Variants in ABCC6 observed in about 807,000 individuals in gnomAD.
ABCC6 encodes the protein ATP-binding cassette sub-family C member 6.
Under a neutral mutation model 169.5 loss-of-function variants are expected in ABCC6, and 126 were observed. That is an observed-to-expected ratio of 0.74 (90% CI 0.64 to 0.86). The LOEUF (loss-of-function observed/expected upper bound fraction) is 0.86, where lower values mean the gene tolerates loss of function less well. ABCC6 is among the 40% of genes least tolerant of loss of function. ABCC6 has a pLI of 0.00. For synonymous variants in ABCC6, 752 were observed against 814.7 expected (o/e 0.92, Z 1.31); for missense variants, 1,733 against 1,927.2 (o/e 0.90, Z 1.89).
In ABCC6 at chr16:16,188,909, G is replaced by A. The variant is rs376767639; in HGVS notation, c.1701C>T (p.Ala567=). Residue 567 remains alanine (A), a synonymous_variant, in exon 13 of 31, where the codon GCC becomes GCT. Coordinates refer to ENST00000205557, the MANE Select transcript of ABCC6 (RefSeq NM_001171.6). Reference sequence around the variant, plus strand: ...TGTTGAGAACTGTGAGAGTCACAAAGGCTTTCTCTGCATTCATAGCATTCT... The same window carrying A: ...TGTTGAGAACTGTGAGAGTCACAAAAGCTTTCTCTGCATTCATAGCATTCT... ...VAENAMNAEK[A]FVTLTVLNIL... is the part of the protein sequence containing the mutation. 6.2e-7 allele frequency: 1 copy of A among 1,614,012 alleles called. No homozygotes were observed. The highest frequency in any genetic ancestry group is 1.7e-5 in the Admixed American group (1 of 60,012).
rs1344571827 is a variant in ABCC6 at position 16,198,081 on chromosome 16, G to A, written c.1278C>T (p.Tyr426=). 6.8e-6 allele frequency: 11 copies of A among 1,613,980 alleles called. No homozygotes were observed. Among genetic ancestry groups the A allele is most frequent in the African/African-American group, 2.7e-5 (2 of 74,934 alleles). The change falls in exon 10 of 31, where the codon TAC becomes TAT. Residue 426 remains tyrosine (Y), a synonymous_variant. Coordinates refer to ENST00000205557, the MANE Select transcript of ABCC6 (RefSeq NM_001171.6). ...DVQRLTESVL[Y]LNGLWLPLVW... Reference sequence around the variant, plus strand: ...CGAGAGGCAGCCACAGCCCGTTGAGGTAGAGGACGCTCTCGGTCAGCCGCT... The same window carrying A: ...CGAGAGGCAGCCACAGCCCGTTGAGATAGAGGACGCTCTCGGTCAGCCGCT...
At chr16:16,154,531 C>A in intron 29 of ABCC6, 97 bp downstream of exon 29, 1 of 1,456,186 alleles carries the variant, frequency 6.9e-7, no homozygotes, top group Non-Finnish European at 9.5e-7. Context: ...GAGTGATAAT[C>A]CTATCGGGGG....
At chr16:16,154,833 C>T in intron 28 of ABCC6, 39 bp from the exon 29 acceptor site, 1 of 1,609,800 alleles carries the variant, frequency 6.2e-7, no homozygotes, top group Non-Finnish European at 8.5e-7. Flanking sequence ...CGGGTCCCAC[C>T]ATGCCTCCCA....
At chr16:16,152,896 GT>G (rs925762873) in intron 29 of ABCC6, among the ~76,000 whole-genome samples, 3 of 126,882 alleles carry the variant, frequency 2.4e-5, no homozygotes, top group Admixed American at 8.0e-5. Context: ...AACACCTTAG[GT>G]TTTTTTTTGT....
chr16:16,187,185 G>A lies in ABCC6; in HGVS notation c.1806C>T (p.Val602=). 6.2e-7 allele frequency: 1 copy of A among 1,613,692 alleles called. No individual in the cohort carries two copies. The change falls in exon 14 of 31, where the codon GTC becomes GTT. Residue 602 remains valine (V), a synonymous_variant. Transcript: ENST00000205557. Reference sequence around the variant, plus strand: ...CAACTTCTTCCAGGCAGAGGAAGGTGACCAGACGGTCAAAGGACACCCGGG... The same window carrying A: ...CAACTTCTTCCAGGCAGAGGAAGGTAACCAGACGGTCAAAGGACACCCGGG... ...VQARVSFDRL[V]TFLCLEEVDP...
At chr16:16,150,834 T>G in intron 29 of ABCC6, 62 bp from the exon 30 acceptor site, 1 of 1,583,508 alleles carries the variant, frequency 6.3e-7, no homozygotes. Context: ...GATGTGTGGG[T>G]GTGCCCAGAA....
In ABCC6 at chr16:16,182,832, G is replaced by A. The variant is rs779590375; in HGVS notation, c.2042C>T (p.Ser681Leu). Residue 681 changes from serine (S) to leucine (L), a missense_variant, in exon 16 of 31, where the codon TCA becomes TTA. Physicochemically the swap from Ser to Leu is moderately radical, Grantham distance 145. Coordinates refer to ENST00000205557, the MANE Select transcript of ABCC6 (RefSeq NM_001171.6). ...GATGCTCACGAACCCCTCCACCTTT[G>A]ACAGCTCCCCAAGGAGGGCGGACAG... ...SLLSALLGEL[S>L]KVEGFVSIEG... The A allele has an allele frequency of 6.2e-7, 1 of 1,614,030 alleles. No homozygotes were observed. The highest frequency in any genetic ancestry group is 8.5e-7 in the Non-Finnish European group (1 of 1,179,998).
chr16:16,179,029 G>T (rs1432407792), intron 17 of ABCC6, 64 bp from the exon 18 acceptor site: 1 of 1,563,560 alleles, frequency 6.4e-7, no homozygotes. Flanking sequence ...GGGTGCCCAG[G>T]CTGTGGCAGG....
intron 1 of ABCC6, among the ~76,000 whole-genome samples, chr16:16,222,464 A>G (rs1596783487): frequency 1.3e-5 from 2 of 152,146 alleles, no homozygotes; most frequent in Non-Finnish European, 2.9e-5. Context: ...AAAGCTTCGA[A>G]TTTCCTGGGC....
At chr16:16,165,596 C>T (rs756110375) in intron 23 of ABCC6, 27 bp downstream of exon 23, 1 of 1,612,398 alleles carries the variant, frequency 6.2e-7, no homozygotes, top group Non-Finnish European at 8.5e-7. Context: ...TCAGCCGGTC[C>T]CGGAAGCCTC....
intron 21 of ABCC6, among the ~76,000 whole-genome samples, chr16:16,172,315 GGGT>G (rs1567489322): frequency 0.98 from 164 of 168 alleles, 81 homozygotes; most frequent in East Asian, 1. Context: ...ATGGATAAAT[GGGT>G]ATGAGTGGGT....
At chr16:16,157,155 G>A (rs183269984) in intron 27 of ABCC6, among the ~76,000 whole-genome samples, 16 of 152,056 alleles carry the variant, frequency 1.1e-4, no homozygotes, top group South Asian at 2.1e-4. Context: ...GAGTGAAAAC[G>A]CAAATAATAA....
At position 16,166,593 on chromosome 16, in the gene ABCC6, C is replaced by T. The variant is rs149318152; in HGVS notation, c.2996-660G>A. The stretch of plus-strand genomic sequence containing the variant: ...GGCGTATTCTCCATCAGAACCTCCA[C>T]GAGGGGCCGGGCACAGTGGCTCATG... On this transcript the variant is annotated intron_variant, in intron 22 of 30. Transcript: ENST00000205557. 7.6e-3 allele frequency among the ~76,000 whole-genome samples: 1,150 copies of T among 151,508 alleles called. 19 individuals are homozygous for T. Among genetic ancestry groups the T allele is most frequent in the African/African-American group, 0.025 (1,038 of 41,342 alleles).
intron 27 of ABCC6, among the ~76,000 whole-genome samples, chr16:16,156,423 A>G (rs1470301325): frequency 6.6e-6 from 1 of 152,152 alleles, no homozygotes; most frequent in East Asian, 1.9e-4. Flanking sequence ...CCAAAACTAG[A>G]AGCTCATGGA....
In ABCC6 at chr16:16,163,099, T is replaced by G. The variant is rs867638337; in HGVS notation, c.3400A>C (p.Ser1134Arg). The change falls in exon 24 of 31, where the codon AGC (serine) becomes CGC (arginine). Residue 1134 changes from serine (S) to arginine (R), a missense_variant. Coordinates refer to ENST00000205557, the MANE Select transcript of ABCC6 (RefSeq NM_001171.6). ...CSHMAETFQG[S>R]TVVRAFRTQA... ...GTTCGGAATGCCCGGACCACTGTGC[T>G]GCCCTGGAACGTCTCAGCCATGTGG... 14 of 1,613,890 alleles carry G rather than the reference T, an allele frequency of 8.7e-6. No homozygotes were observed. The Middle Eastern group carries it at 2.0e-3, about 228-fold the overall frequency.
rs58695352 is a variant in ABCC6, at chr16:16,154,755, C to T, written c.4081G>A (p.Asp1361Asn). 3.1e-5 allele frequency: 50 copies of T among 1,612,644 alleles called. No individual in the cohort carries two copies. The highest frequency in any genetic ancestry group is 6.6e-5 in the South Asian group (6 of 90,732). Residue 1361 changes from aspartate (D) to asparagine (N), a missense_variant, in exon 29 of 31, where the codon GAC becomes AAC. Asp to Asn is a conservative substitution (Grantham distance 23, BLOSUM62 1). Around this residue, in one of 5 missense-constraint regions of ABCC6, gnomAD observed 1,601 missense variants for 1,635.5 expected, o/e 0.98. Transcript: ENST00000205557. ...TCGTCCGAGTGCTCCTGCAGCAGGT[C>T]GAGGTTCATCCGCAGAGAGCCAGGG... is the stretch of plus-strand genomic sequence containing the variant. ...LFPGSLRMNL[D>N]LLQEHSDEAI...
At chr16:16,161,634 G>C (rs1215082034) in intron 24 of ABCC6, 70 bp from the exon 25 acceptor site, 2 of 1,602,328 alleles carry the variant, frequency 1.2e-6, no homozygotes, top group Non-Finnish European at 1.7e-6. Flanking sequence ...CTGGGCACAA[G>C]GACTGGTCAT....
chr16:16,194,840 C>A (rs373434603), intron 10 of ABCC6, among the ~76,000 whole-genome samples: 7 of 151,858 alleles, frequency 4.6e-5, no homozygotes, highest in African/African-American at 1.7e-4. Context: ...ATGTGTCACT[C>A]GGCTAATTTT....
chr16:16,176,034 C>G (rs117766129), intron 19 of ABCC6, 48 bp from the exon 20 acceptor site: 21,317 of 1,570,402 alleles, frequency 0.014, 238 homozygotes, highest in South Asian at 0.038. Context: ...CAGATACCCA[C>G]TTTGACACCC....
Sources: gnomAD v4.1 joint callset for allele counts (sites outside exome capture counted in the v4.1 genomes callset) on GRCh38, gnomAD v4.1.1 for gene constraint, gnomAD v4.1.1 regional missense constraint, MANE v1.5 for transcripts, NCBI Gene and HGNC (gene_info 2026-07-23, HGNC 2026-07-21) for gene names.